Variants in PARD3B observed in about 807,000 individuals in gnomAD.
PARD3B encodes the protein partitioning defective 3 homolog B.
In PARD3B, 103 loss-of-function variants were observed where a neutral mutation model predicts 130.2. The ratio of observed to expected loss-of-function variants is 0.79; its 90% CI spans 0.67 to 0.93. PARD3B has a LOEUF of 0.93. PARD3B is among the 40% of genes least tolerant of loss of function. The probability of loss-of-function intolerance (pLI) is 0.00; values close to 1 mark genes in which losing one functional copy is unlikely to be tolerated. For synonymous variants in PARD3B, 583 were observed against 553.2 expected (o/e 1.05, Z -0.76); for missense variants, 1,609 against 1,499.2 (o/e 1.07, Z -1.21).
At chr2:205,392,881 G>T (rs952117276) in intron 18 of PARD3B, among the ~76,000 whole-genome samples, 2 of 152,178 alleles carry the variant, frequency 1.3e-5, no homozygotes, top group African/African-American at 4.8e-5. Flanking sequence ...GAAGATTGAT[G>T]TGCAACAAAC....
chr2:205,259,536 G>C (rs1438479124), intron 16 of PARD3B, among the ~76,000 whole-genome samples: 1 of 152,030 alleles, frequency 6.6e-6, no homozygotes, highest in South Asian at 2.1e-4. Context: ...CTAGGTTTTG[G>C]TGTAGATTTC....
intron 2 of PARD3B, among the ~76,000 whole-genome samples, chr2:204,897,798 CTT>C (rs2046694320): frequency 6.6e-6 from 1 of 151,684 alleles, no homozygotes; most frequent in South Asian, 2.1e-4. Context: ...CTTTCTGCCT[CTT>C]AATCGGAATG....
chr2:204,556,265 A>G (rs1292702905), intron 1 of PARD3B, among the ~76,000 whole-genome samples: 1 of 152,182 alleles, frequency 6.6e-6, no homozygotes, highest in African/African-American at 2.4e-5. Context: ...ACATGGGGGA[A>G]GTCTCTGTGT....
At position 205,183,201 on chromosome 2, in the gene PARD3B, G is replaced by C. The variant is rs1330242083; in HGVS notation, c.1925-2563G>C. The stretch of plus-strand genomic sequence containing the variant: ...AGATACTGAGGCAGGAACACCCAGG[G>C]GTGTTGGCAGGGAATGGTAAGCTAA... On this transcript the variant is annotated intron_variant, in intron 13 of 22. Coordinates refer to ENST00000406610, the MANE Select transcript of PARD3B (RefSeq NM_001302769.2). This position sits in a 1 kb window ranked among gnomAD's most constrained non-coding sequence, Gnocchi z 5.2. Among the ~76,000 whole-genome samples the C allele has an allele frequency of 6.6e-6, 1 of 152,172 alleles. No individual in the cohort carries two copies. Among genetic ancestry groups the C allele is most frequent in the Non-Finnish European group, 1.5e-5 (1 of 68,030 alleles).
At chr2:205,085,957 A>T (rs1368243170) in intron 4 of PARD3B, among the ~76,000 whole-genome samples, 7 of 152,200 alleles carry the variant, frequency 4.6e-5, no homozygotes, top group African/African-American at 1.7e-4. Flanking sequence ...ATGTGCTCAG[A>T]ATTGTTCATT....
chr2:204,716,132 A>C (rs1209903576), intron 2 of PARD3B, among the ~76,000 whole-genome samples: 1 of 152,212 alleles, frequency 6.6e-6, no homozygotes, highest in Non-Finnish European at 1.5e-5. Flanking sequence ...AGTTCAATAA[A>C]TGCTTATTGA....
intron 22 of PARD3B, among the ~76,000 whole-genome samples, chr2:205,599,084 C>G (rs2054681609): frequency 6.6e-6 from 1 of 152,018 alleles, no homozygotes; most frequent in African/African-American, 2.4e-5. Flanking sequence ...AAACCAACCC[C>G]AAAGCTAGCA....
rs56654511 is a variant in PARD3B at position 205,331,782 on chromosome 2, C to CAAAAA, written c.2630+30100_2630+30104dup. On this transcript the variant is annotated intron_variant, in intron 18 of 22. Transcript: ENST00000406610. ...TGGGCGACAGAGTGAGACTCCGTCT[C>CAAAAA]AAAAAAAAAAAAAAAAAAAAAAAGA... 1.5e-3 allele frequency among the ~76,000 whole-genome samples: 71 copies of CAAAAA among 48,400 alleles called. 13 individuals are homozygous for CAAAAA. The highest frequency in any genetic ancestry group is 4.5e-3 in the African/African-American group (42 of 9,302). 31.8% of individuals were successfully genotyped at this position (48,400 alleles called of 152,430 possible).
At position 204,890,044 on chromosome 2, in the gene PARD3B, C is replaced by A. The variant is rs1030220223; in HGVS notation, c.223-75108C>A. On this transcript the variant is annotated intron_variant, in intron 2 of 22. Transcript: ENST00000406610. The surrounding 1 kb of genome is among the most constrained non-coding windows in gnomAD (Gnocchi z 4.9). ...GTTTTTTTCTGGAAAGTTAATTTTA[C>A]TTTTGGCATATGTTCTCTGGGACTA... 6.6e-6 allele frequency among the ~76,000 whole-genome samples: 1 copy of A among 152,140 alleles called. No homozygotes were observed. Among genetic ancestry groups the A allele is most frequent in the Non-Finnish European group, 1.5e-5 (1 of 68,010 alleles).
intron 2 of PARD3B, among the ~76,000 whole-genome samples, chr2:204,785,024 AAATT>A (rs1170993204): frequency 6.6e-6 from 1 of 152,346 alleles, no homozygotes; most frequent in East Asian, 1.9e-4. Flanking sequence ...AACAATTAAA[AAATT>A]AACTACAGTA....
At chr2:204,853,636 G>C (rs1226850936) in intron 2 of PARD3B, among the ~76,000 whole-genome samples, 1 of 149,854 alleles carries the variant, frequency 6.7e-6, no homozygotes, top group Non-Finnish European at 1.5e-5. Context: ...AGTGATGAAC[G>C]AACTTTAGAA....
At chr2:205,118,869 A>G in intron 6 of PARD3B, 52 bp from the exon 7 acceptor site, 1 of 1,271,402 alleles carries the variant, frequency 7.9e-7, no homozygotes, top group Non-Finnish European at 1.1e-6. Flanking sequence ...GTGGAGAAAT[A>G]ATTAGCATTT....
chr2:204,797,395 A>G (rs569559400), intron 2 of PARD3B, among the ~76,000 whole-genome samples: 2 of 152,330 alleles, frequency 1.3e-5, no homozygotes, highest in South Asian at 4.1e-4. Flanking sequence ...CTGATGAACA[A>G]GTTTATTACC....
At chr2:205,150,673 G>A (rs897482060) in intron 10 of PARD3B, among the ~76,000 whole-genome samples, 2 of 152,144 alleles carry the variant, frequency 1.3e-5, no homozygotes, top group African/African-American at 2.4e-5. Flanking sequence ...CTGTACTTGG[G>A]TGGAGAATGT....
intron 21 of PARD3B, among the ~76,000 whole-genome samples, chr2:205,511,820 G>A (rs2050599754): frequency 6.6e-6 from 1 of 152,214 alleles, no homozygotes; most frequent in African/African-American, 2.4e-5. Context: ...CCATGTTTGT[G>A]TTCAGATCCT....
At chr2:204,991,337 T>C (rs753988368) in intron 3 of PARD3B, among the ~76,000 whole-genome samples, 11,919 of 145,614 alleles carry the variant, frequency 0.082, 589 homozygotes, top group Non-Finnish European at 0.11. Flanking sequence ...TTTGGTTTTT[T>C]GTTCTTGCGA....
chr2:205,284,358 T>G (rs1210416973), intron 16 of PARD3B, among the ~76,000 whole-genome samples: 1 of 152,212 alleles, frequency 6.6e-6, no homozygotes, highest in Non-Finnish European at 1.5e-5. Flanking sequence ...CAAATTAACC[T>G]TTTCTCTTAC....
At chr2:205,338,662 G>T (rs1306988165) in intron 18 of PARD3B, among the ~76,000 whole-genome samples, 1 of 152,162 alleles carries the variant, frequency 6.6e-6, no homozygotes, top group Non-Finnish European at 1.5e-5. Context: ...CTGAAAGGAT[G>T]TATAATAATA....
chr2:204,943,637 GT>G lies in PARD3B; in HGVS notation c.223-21511del, dbSNP rs1689087342. ...AGTTACCCAGTTTGGAATTTATTTT[GT>G]TTTATTGTATTGGATTCCATATTAA... On this transcript the variant is annotated intron_variant, in intron 2 of 22. Coordinates refer to ENST00000406610, the MANE Select transcript of PARD3B (RefSeq NM_001302769.2). The surrounding 1 kb of genome is among the most constrained non-coding windows in gnomAD (Gnocchi z 4.2). Among the ~76,000 whole-genome samples the G allele has an allele frequency of 6.6e-6, 1 of 152,188 alleles. No homozygotes were observed. The highest frequency in any genetic ancestry group is 2.4e-5 in the African/African-American group (1 of 41,450).
Sources: allele counts gnomAD v4.1 joint callset (sites outside exome capture counted in the v4.1 genomes callset), GRCh38; gene constraint gnomAD v4.1.1; non-coding constraint Gnocchi (gnomAD v3.1); transcripts MANE v1.5; gene names NCBI Gene and HGNC (gene_info 2026-07-23, HGNC 2026-07-21).